Variants in VIL1 observed in about 807,000 individuals in gnomAD.
VIL1 encodes villin 1.
In VIL1, 86 loss-of-function variants were observed where a neutral mutation model predicts 104.0. That is an observed-to-expected ratio of 0.83 (90% CI 0.69 to 0.99). VIL1 has a LOEUF of 0.99. VIL1 is among the 50% of genes least tolerant of loss of function. VIL1 has a pLI of 0.00. For missense variants in VIL1, 944 were observed against 1,054.1 expected, an observed-to-expected ratio of 0.90 and a Z score of 1.45; for synonymous variants, 394 against 412.6, an observed-to-expected ratio of 0.95 and a Z score of 0.55.
At chr2:218,432,211 G>T (rs1184865315) in intron 12 of VIL1, 28 bp downstream of exon 12, 1 of 1,604,376 alleles carries the variant, frequency 6.2e-7, no homozygotes, top group Non-Finnish European at 8.5e-7. Flanking sequence ...CCCACCCAGA[G>T]CACAGCCGGC....
At chr2:218,438,624 T>C in intron 17 of VIL1, 34 bp from the exon 18 acceptor site, 2 of 1,593,316 alleles carry the variant, frequency 1.3e-6, no homozygotes, top group Non-Finnish European at 1.7e-6. Flanking sequence ...TCTGCTGAGA[T>C]CCAGGTCTAA....
Position 218,428,011 on chromosome 2 carries a change from A to G in VIL1, c.394A>G (p.Asn132Asp). 1 of 1,614,150 alleles carries G rather than the reference A, an allele frequency of 6.2e-7. No homozygotes were observed. Among genetic ancestry groups the G allele is most frequent in the Non-Finnish European group, 8.5e-7 (1 of 1,180,006 alleles). The change falls in exon 5 of 20, where the codon AAC becomes GAC. Residue 132 changes from asparagine to aspartate, a missense_variant. Coordinates refer to ENST00000248444, the MANE Select transcript of VIL1 (RefSeq NM_007127.3). Reference protein sequence around the residue: ...VASGMKHVETNSYDVQRLLHV... With the variant: ...VASGMKHVETDSYDVQRLLHV... ...TTCTGGCATGAAGCACGTGGAGACC[A>G]ACTCCTATGACGTCCAGAGGCTGCT...
rs780398701 is a variant in VIL1, at chr2:218,440,794, C to G, written c.2302C>G (p.Pro768Ala). 6.2e-7 allele frequency: 1 copy of G among 1,614,166 alleles called. No individual in the cohort carries two copies. Among genetic ancestry groups the G allele is most frequent in the African/African-American group, 1.3e-5 (1 of 75,048 alleles). ...CAGTTCTGGGCCTCTGCCCATCTTCCCCCTGGAGCAGCTAGTGAACAAGCC... is the reference window on the plus strand; with the variant it reads ...CAGTTCTGGGCCTCTGCCCATCTTCGCCCTGGAGCAGCTAGTGAACAAGCC... ...NLSSGPLPIF[P>A]LEQLVNKPVE... Residue 768 changes from proline to alanine, a missense_variant, in exon 19 of 20, where the codon CCC (proline) becomes GCC (alanine). Pro to Ala is a conservative substitution (Grantham distance 27). Coordinates refer to ENST00000248444, the MANE Select transcript of VIL1 (RefSeq NM_007127.3).
intron 13 of VIL1, among the ~76,000 whole-genome samples, 178 bp from the exon 14 acceptor site, chr2:218,434,348 A>G (rs1180507013): frequency 6.6e-6 from 1 of 152,164 alleles, no homozygotes; most frequent in Non-Finnish European, 1.5e-5. Context: ...GTCACTGAAC[A>G]TTTTTGAAAA....
At chr2:218,441,966 G>A (rs1356494217) in intron 19 of VIL1, among the ~76,000 whole-genome samples, 3 of 152,064 alleles carry the variant, frequency 2.0e-5, no homozygotes, top group Admixed American at 6.5e-5. Context: ...CAGCCTGGGC[G>A]ACAAGAGTGT....
chr2:218,419,738 G>T (rs758887499), intron 1 of VIL1, among the ~76,000 whole-genome samples: 2 of 152,120 alleles, frequency 1.3e-5, no homozygotes, highest in African/African-American at 2.4e-5. Flanking sequence ...TAGGTCCTGG[G>T]CCATGCCGGG....
chr2:218,434,275 C>T (rs538484502), intron 13 of VIL1, among the ~76,000 whole-genome samples: 26 of 151,618 alleles, frequency 1.7e-4, no homozygotes, highest in African/African-American at 5.6e-4. Flanking sequence ...TTTGCATCTT[C>T]GTCATGTGGG....
chr2:218,429,683 G>T lies in VIL1; in HGVS notation c.849+8G>T. On this transcript the variant is annotated splice_region_variant and intron_variant, in intron 8 of 19. Coordinates refer to ENST00000248444, the MANE Select transcript of VIL1 (RefSeq NM_007127.3). ...GACCTGCTCAGTCACGAGGTAAGAG[G>T]GTCTGGAGACCCCTCAGCCTACTGC... The T allele has an allele frequency of 1.9e-6, 3 of 1,614,044 alleles. 1 individual carries two copies. The South Asian group carries it at 3.3e-5, about 18-fold the overall frequency.
intron 18 of VIL1, among the ~76,000 whole-genome samples, chr2:218,439,704 C>T (rs1462513825): frequency 6.6e-6 from 1 of 151,318 alleles, no homozygotes; most frequent in Admixed American, 6.6e-5. Context: ...GTGGTCCCAG[C>T]TACTCAGGAG....
rs190616857 is a variant in VIL1 at position 218,427,514 on chromosome 2, T to C, written c.348-451T>C. ...TAATTTTTTGTATTTTTAGTAGAGA[T>C]GGGGCTTCACCATGTTGGCCAGGCT... On this transcript the variant is annotated intron_variant, in intron 4 of 19. Transcript: ENST00000248444. 3.2e-3 allele frequency among the ~76,000 whole-genome samples: 492 copies of C among 151,974 alleles called. 1 individual carries two copies. The highest frequency in any genetic ancestry group is 0.011 in the African/African-American group (446 of 41,450).
At position 218,428,688 on chromosome 2, in the gene VIL1, G is replaced by T. The variant is rs543730430; in HGVS notation, c.567+351G>T. ...TTGGGTGCAAAGAGATTTTTTTTTTGGAAACACAGTTTTGCTCTTTTTGCC... is the reference window on the plus strand; with the variant it reads ...TTGGGTGCAAAGAGATTTTTTTTTTTGAAACACAGTTTTGCTCTTTTTGCC... On this transcript the variant is annotated intron_variant, in intron 6 of 19. Coordinates refer to ENST00000248444, the MANE Select transcript of VIL1 (RefSeq NM_007127.3). 5.9e-5 allele frequency among the ~76,000 whole-genome samples: 9 copies of T among 151,268 alleles called. No homozygotes were observed. The South Asian group carries it at 1.9e-3, about 31-fold the overall frequency.
chr2:218,432,218 C>T lies in VIL1; in HGVS notation c.1341+35C>T, dbSNP rs541223950. 2.2e-5 allele frequency: 36 copies of T among 1,600,548 alleles called. No homozygotes were observed. In the South Asian group the frequency reaches 2.8e-4, roughly 12 times the overall value. Reference sequence around the variant, plus strand: ...CGCCACGTCCCACCCAGAGCACAGCCGGCTTAGCTCTGCCTTGTACATACT... The same window carrying T: ...CGCCACGTCCCACCCAGAGCACAGCTGGCTTAGCTCTGCCTTGTACATACT... On this transcript the variant is annotated intron_variant, in intron 12 of 19. Transcript: ENST00000248444.
rs369865042 is a variant in VIL1, at chr2:218,432,053, G to A, written c.1211G>A (p.Arg404His). Residue 404 changes from arginine (R) to histidine (H), a missense_variant, in exon 12 of 20, where the codon CGC (arginine) becomes CAC (histidine). Physicochemically the swap from Arg to His is conservative, Grantham distance 29. Coordinates refer to ENST00000248444, the MANE Select transcript of VIL1 (RefSeq NM_007127.3). ...DDGSGEVQVWRIENLELVPVD... is the reference protein window; with the variant it reads ...DDGSGEVQVWHIENLELVPVD... ...GCCTGATACTGGCCCTAGGTGTGGC[G>A]CATTGAGAACCTAGAGCTGGTACCT... is the stretch of plus-strand genomic sequence containing the variant. The A allele has an allele frequency of 3.2e-5, 52 of 1,613,926 alleles. No homozygotes were observed. The highest frequency in any genetic ancestry group is 2.3e-4 in the African/African-American group (17 of 74,892).
intron 13 of VIL1, 127 bp from the exon 14 acceptor site, chr2:218,434,399 G>T: frequency 1.1e-6 from 1 of 900,346 alleles, no homozygotes; most frequent in South Asian, 1.7e-5. Flanking sequence ...GAAAGACCTG[G>T]TGACGGAGCA....
intron 13 of VIL1, among the ~76,000 whole-genome samples, chr2:218,433,504 G>A (rs1689134946): frequency 6.6e-6 from 1 of 152,190 alleles, no homozygotes; most frequent in East Asian, 1.9e-4. Flanking sequence ...TTGAGAGGCT[G>A]AGGTGGGTGG....
rs1559152897 is a variant in VIL1 at position 218,450,496 on chromosome 2, T to G, written c.*1160T>G. The G allele has an allele frequency of 6.6e-6, 1 of 152,626 alleles. No homozygotes were observed. Among genetic ancestry groups the G allele is most frequent in the Non-Finnish European group, 1.5e-5 (1 of 68,036 alleles). 9.5% of individuals were successfully genotyped at this position (152,626 alleles called of 1,614,324 possible). A position where few individuals can be genotyped will look rare whatever the true frequency, so the allele number is the denominator to read the frequency against. ...CCAGAAAACCTGGTAGTGGCTCAAT[T>G]AGGCAAAGTGTAGGAATCTCATTTT... is the stretch of plus-strand genomic sequence containing the variant. On this transcript the variant is annotated 3_prime_UTR_variant, in exon 20 of 20. Transcript: ENST00000248444.
rs916504084 is a variant in VIL1, at chr2:218,432,850, G to C, written c.1399G>C (p.Asp467His). 2 of 1,614,198 alleles carry C rather than the reference G, an allele frequency of 1.2e-6. No individual in the cohort carries two copies. The highest frequency in any genetic ancestry group is 4.5e-5 in the East Asian group (2 of 44,882). The change falls in exon 13 of 20, where the codon GAC becomes CAC. Residue 467 changes from aspartate to histidine, a missense_variant. Coordinates refer to ENST00000248444, the MANE Select transcript of VIL1 (RefSeq NM_007127.3). ...TASAYQAVIL[D>H]QKYNGEPVQI... is the part of the protein sequence containing the mutation. ...ATCAGCTTATCAAGCCGTCATCCTG[G>C]ACCAGAAGTACAATGGTGAACCAGT...
chr2:218,435,348 G>A lies in VIL1; in HGVS notation c.1740G>A (p.Thr580=), dbSNP rs146487691. The A allele has an allele frequency of 1.5e-4, 247 of 1,614,116 alleles. 2 individuals carry two copies. Among genetic ancestry groups the A allele is most frequent in the South Asian group, 5.3e-4 (48 of 91,080 alleles). ...TGGTTGCTGACACCATCTCCCGGAC[G>A]GAGAAGCAAGTGGTGGTGGAAGGGC... The part of the protein sequence containing the change: ...AKMVADTISR[T]EKQVVVEGQE... The change falls in exon 15 of 20, where the codon ACG becomes ACA. Residue 580 remains threonine, a synonymous_variant. Transcript: ENST00000248444.
intron 6 of VIL1, 50 bp from the exon 7 acceptor site, chr2:218,429,235 T>A: frequency 6.4e-7 from 1 of 1,568,470 alleles, no homozygotes; most frequent in Non-Finnish European, 8.7e-7. Context: ...TGGCAGACAC[T>A]GCCTCATTCC....
Sources: allele counts gnomAD v4.1 joint callset (sites outside exome capture counted in the v4.1 genomes callset), GRCh38; gene constraint gnomAD v4.1.1; transcripts MANE v1.5; gene names NCBI Gene and HGNC (gene_info 2026-07-23, HGNC 2026-07-21).